The following KLF17 variants were observed in gnomAD, a reference collection of about 807,000 sequenced individuals.
KLF17 encodes the protein KLF transcription factor 17.
A neutral mutation model predicts 34.2 loss-of-function variants in KLF17; 31 were observed. The observed-to-expected ratio is 0.91, with a 90% CI of 0.68 to 1.22. The LOEUF (loss-of-function observed/expected upper bound fraction) is 1.22, where lower values mean the gene tolerates loss of function less well. Ranked by LOEUF, KLF17 falls within the 50% of genes most tolerant of loss-of-function variation. KLF17 has a pLI of 0.00. For synonymous variants in KLF17, 179 were observed against 186.7 expected (o/e 0.96, Z 0.34); for missense variants, 478 against 505.2 (o/e 0.95, Z 0.52).
the KLF17 span, among the ~76,000 whole-genome samples, chr1:44,100,076 AAATAC>A: frequency 1.2e-5 from 1 of 80,588 alleles, no homozygotes; most frequent in Non-Finnish European, 2.3e-5. Flanking sequence ...TCTCTACTAA[AAATAC>A]ACACACACAC....
the KLF17 span, chr1:44,103,981 C>T: frequency 7.0e-6 from 6 of 856,962 alleles, no homozygotes; most frequent in African/African-American, 8.3e-5. Context: ...TCGTACTGCG[C>T]CTTGACCTCA....
the KLF17 span, among the ~76,000 whole-genome samples, chr1:44,072,181 T>C: frequency 6.6e-6 from 1 of 151,628 alleles, no homozygotes; most frequent in Non-Finnish European, 1.5e-5. Context: ...TTTTTTTTTG[T>C]TTTTTGCCTG....
upstream of KLF17, among the ~76,000 whole-genome samples, chr1:44,118,091 C>A (rs1444095242): frequency 1.3e-5 from 2 of 152,184 alleles, no homozygotes; most frequent in Non-Finnish European, 2.9e-5. Flanking sequence ...TTCAATCTTC[C>A]TATGGCTGGC....
chr1:44,052,214 T>A, the KLF17 span: 1 of 152,224 alleles, frequency 6.6e-6, no homozygotes, highest in Admixed American at 6.5e-5. Context: ...ATTTCTCCCC[T>A]AGGGGAATCT....
At chr1:44,106,655 G>A in the KLF17 span, 1 of 152,196 alleles carries the variant, frequency 6.6e-6, no homozygotes, top group African/African-American at 2.4e-5. Flanking sequence ...CCCATGGTGA[G>A]TATGGGGGAG....
the KLF17 span, among the ~76,000 whole-genome samples, chr1:44,085,807 CAAAAAAAA>C: frequency 6.3e-5 from 4 of 63,620 alleles, no homozygotes; most frequent in African/African-American, 1.3e-4. Flanking sequence ...TCTGTCTCAA[CAAAAAAAA>C]AAAAAAAAAA....
chr1:44,047,992 TTGTGTGTGTATGTG>T, the KLF17 span: 6,427 of 129,210 alleles, frequency 0.05, 150 homozygotes, highest in Middle Eastern at 0.073. Context: ...TAAGAGAACA[TTGTGTGTGTATGTG>T]TGTGTGTGTG....
At chr1:44,124,360 C>T (rs1322119887) in intron 1 of KLF17, among the ~76,000 whole-genome samples, 11 of 149,022 alleles carry the variant, frequency 7.4e-5, no homozygotes, top group Admixed American at 2.0e-4. Flanking sequence ...GACAGAGTCT[C>T]GCTGTGTTGC....
rs987560569 is a variant in KLF17 at position 44,118,828 on chromosome 1, T to G, written c.-80T>G. 5 of 1,066,498 alleles carry G rather than the reference T, an allele frequency of 4.7e-6. No homozygotes were observed. The East Asian group carries it at 1.5e-4, about 32-fold the overall frequency. 66.1% of individuals were successfully genotyped at this position (1,066,498 alleles called of 1,614,324 possible). ...ATAGAAGGTGATTGTGGCGTGGCGA[T>G]GTACCGATACCCGCCTGCGACGCCG... On this transcript the variant is annotated 5_prime_UTR_variant, in exon 1 of 4. An upstream start codon of the reference 5' UTR is lost. Transcript: ENST00000372299.
chr1:44,077,260 G>A, the KLF17 span, among the ~76,000 whole-genome samples: 4 of 151,834 alleles, frequency 2.6e-5, no homozygotes, highest in African/African-American at 7.3e-5. Context: ...CAGGAGAATC[G>A]CTTGAACCTA....
intron 3 of KLF17, among the ~76,000 whole-genome samples, chr1:44,132,436 G>A (rs1433435323): frequency 6.6e-6 from 1 of 152,058 alleles, no homozygotes; most frequent in East Asian, 1.9e-4. Flanking sequence ...ACCATCAATG[G>A]GGAGGCCTCC....
chr1:44,074,471 C>T, the KLF17 span, among the ~76,000 whole-genome samples: 59,253 of 151,936 alleles, frequency 0.39, 12,168 homozygotes, highest in East Asian at 0.55. Flanking sequence ...CCATCTCTGC[C>T]ACCATACCTT....
chr1:44,070,600 T>C, the KLF17 span, among the ~76,000 whole-genome samples: 1 of 142,278 alleles, frequency 7.0e-6, no homozygotes, highest in Admixed American at 7.0e-5. Flanking sequence ...CTTTTTTTTT[T>C]TTTTTTTTTT....
At chr1:44,078,076 T>C in the KLF17 span, among the ~76,000 whole-genome samples, 1,194 of 152,338 alleles carry the variant, frequency 7.8e-3, 18 homozygotes, top group African/African-American at 0.027. Context: ...TAATGATGAC[T>C]TTTGTTGAAC....
At chr1:44,100,617 GTTTTGTTTTTGT>G in the KLF17 span, among the ~76,000 whole-genome samples, 3 of 149,956 alleles carry the variant, frequency 2.0e-5, no homozygotes, top group African/African-American at 4.9e-5. Context: ...GCACTTGGCT[GTTTTGTTTTTGT>G]TTTTGTTTTT....
At chr1:44,118,322 C>T (rs553362296), upstream of KLF17, among the ~76,000 whole-genome samples, 67 of 152,314 alleles carry the variant, frequency 4.4e-4, 2 homozygotes, top group South Asian at 0.011. Context: ...GTAAACACTG[C>T]GGAATAAACA....
the KLF17 span, among the ~76,000 whole-genome samples, chr1:44,078,434 C>CTT: frequency 0.012 from 1,475 of 122,024 alleles, 45 homozygotes; most frequent in African/African-American, 0.039. Flanking sequence ...GCTTTTCCTT[C>CTT]TTCTTTTTTT....
At chr1:44,127,063 GT>G (rs71587040) in intron 1 of KLF17, among the ~76,000 whole-genome samples, 2,842 of 126,874 alleles carry the variant, frequency 0.022, 78 homozygotes, top group East Asian at 0.094. Context: ...TGCCTGGCTT[GT>G]TTTTTTTTTT....
At chr1:44,099,917 GAAAA>G in the KLF17 span, among the ~76,000 whole-genome samples, 1 of 61,684 alleles carries the variant, frequency 1.6e-5, no homozygotes, top group Admixed American at 1.8e-4. Flanking sequence ...AAGAAAGAAA[GAAAA>G]GAAAGGGAGG....
Sources: allele counts gnomAD v4.1 joint callset (sites outside exome capture counted in the v4.1 genomes callset), GRCh38; gene constraint gnomAD v4.1.1; transcripts MANE v1.5; gene names NCBI Gene and HGNC (gene_info 2026-07-23, HGNC 2026-07-21).